Variants in GRM3 observed in about 807,000 individuals in gnomAD.
The protein encoded by GRM3 is metabotropic glutamate receptor 3.
In GRM3, 26 loss-of-function variants were observed where a neutral mutation model predicts 70.5. That is an observed-to-expected ratio of 0.37 (90% CI 0.27 to 0.51). GRM3 has a LOEUF of 0.51. Ranked by LOEUF, GRM3 falls within the 20% of genes least tolerant of loss-of-function variation. The pLI, the probability that GRM3 is intolerant of heterozygous loss-of-function variation, is 0.93. For synonymous variants in GRM3, 443 were observed against 434.9 expected (o/e 1.02, Z -0.23); for missense variants, 859 against 1,123.8 (o/e 0.76, Z 3.37).
intron 1 of GRM3, among the ~76,000 whole-genome samples, chr7:86,673,546 C>T (rs142750920): frequency 6.6e-6 from 1 of 152,238 alleles, no homozygotes; most frequent in Non-Finnish European, 1.5e-5. Context: ...ATGCCAACTG[C>T]TTCCAGATTG....
chr7:86,831,310 GCTTT>G (rs1046428804), intron 3 of GRM3, among the ~76,000 whole-genome samples: 1 of 152,068 alleles, frequency 6.6e-6, no homozygotes, highest in Non-Finnish European at 1.5e-5. Flanking sequence ...TTTTCAAAAT[GCTTT>G]TTTTTGTATG....
Position 86,786,577 on chromosome 7 carries a change from A to T in GRM3, c.785A>T (p.Glu262Val), listed in dbSNP as rs748521845. ...AAGTCCTACGACAGCGTGATCCGAG[A>T]ACTGTTGCAGAAGCCCAACGCGCGC... Reference protein sequence around the residue: ...IRKSYDSVIRELLQKPNARVV... With the variant: ...IRKSYDSVIRVLLQKPNARVV... The change falls in exon 3 of 6, where the codon GAA becomes GTA. Residue 262 changes from glutamate (E) to valine (V), a missense_variant. Glu to Val is a moderately radical substitution (Grantham distance 121, BLOSUM62 -2). Coordinates refer to ENST00000361669, the MANE Select transcript of GRM3 (RefSeq NM_000840.3). This position sits in a 1 kb window ranked among gnomAD's most constrained non-coding sequence, Gnocchi z 6.0. 6.2e-7 allele frequency: 1 copy of T among 1,613,914 alleles called. No individual in the cohort carries two copies. Among genetic ancestry groups the T allele is most frequent in the East Asian group, 2.2e-5 (1 of 44,880 alleles).
chr7:86,715,736 A>G (rs1023255247), intron 1 of GRM3, among the ~76,000 whole-genome samples: 2 of 152,154 alleles, frequency 1.3e-5, no homozygotes, highest in East Asian at 3.9e-4. Flanking sequence ...CATAAAAGCA[A>G]TTCTAATAAC....
At chr7:86,755,779 A>C (rs1796331927) in intron 1 of GRM3, among the ~76,000 whole-genome samples, 1 of 152,142 alleles carries the variant, frequency 6.6e-6, no homozygotes, top group Non-Finnish European at 1.5e-5. Flanking sequence ...GGGGGTTTCC[A>C]GCAAACAGGA....
chr7:86,798,420 T>C (rs759216772), intron 3 of GRM3, among the ~76,000 whole-genome samples: 2 of 152,146 alleles, frequency 1.3e-5, no homozygotes, highest in Non-Finnish European at 2.9e-5. Flanking sequence ...GGAGACCATT[T>C]TGGAGCTTCA....
intron 2 of GRM3, among the ~76,000 whole-genome samples, chr7:86,776,236 C>A (rs891286288): frequency 2.0e-5 from 3 of 152,084 alleles, no homozygotes; most frequent in Non-Finnish European, 4.4e-5. Flanking sequence ...GATTACTATC[C>A]TTTTCTTTTG....
intron 3 of GRM3, among the ~76,000 whole-genome samples, chr7:86,806,606 A>G (rs1239303045): frequency 2.0e-5 from 3 of 151,492 alleles, no homozygotes; most frequent in African/African-American, 7.3e-5. Context: ...GTTTGATTTT[A>G]TTCTTGTAAA....
intron 1 of GRM3, among the ~76,000 whole-genome samples, chr7:86,758,969 C>CTT (rs2116390240): frequency 6.6e-6 from 1 of 152,172 alleles, no homozygotes; most frequent in African/African-American, 2.4e-5. Flanking sequence ...ATAAGAGGGT[C>CTT]TTATCAATTA....
chr7:86,838,444 G>T (rs1454298995), intron 3 of GRM3, among the ~76,000 whole-genome samples: 1 of 151,816 alleles, frequency 6.6e-6, no homozygotes, highest in Non-Finnish European at 1.5e-5. Context: ...CATTTTATTG[G>T]CTGTACATAA....
At chr7:86,772,095 A>G (rs557629785) in intron 2 of GRM3, among the ~76,000 whole-genome samples, 1 of 152,128 alleles carries the variant, frequency 6.6e-6, no homozygotes, top group Non-Finnish European at 1.5e-5. Flanking sequence ...TCTTCCATGA[A>G]CTATAAGCCA....
intron 1 of GRM3, among the ~76,000 whole-genome samples, chr7:86,674,319 C>A (rs951008172): frequency 1.4e-5 from 2 of 146,470 alleles, no homozygotes; most frequent in Non-Finnish European, 3.1e-5. Flanking sequence ...TCTGAGTGTT[C>A]TTACATGGCA....
At chr7:86,766,679 T>G (rs1467710846) in intron 2 of GRM3, among the ~76,000 whole-genome samples, 2 of 152,148 alleles carry the variant, frequency 1.3e-5, no homozygotes, top group African/African-American at 4.8e-5. Context: ...GTGATATTTA[T>G]ATGTTACTTT....
intron 1 of GRM3, among the ~76,000 whole-genome samples, chr7:86,752,216 A>G (rs1241645174): frequency 2.6e-5 from 4 of 152,020 alleles, no homozygotes; most frequent in East Asian, 1.9e-4. Flanking sequence ...ACCTTACAAT[A>G]CTGTAGATAA....
At chr7:86,716,180 T>G (rs1795309836) in intron 1 of GRM3, among the ~76,000 whole-genome samples, 1 of 151,896 alleles carries the variant, frequency 6.6e-6, no homozygotes, top group African/African-American at 2.4e-5. Context: ...AAAGTCAAGG[T>G]GGGGCTCAGG....
intron 2 of GRM3, among the ~76,000 whole-genome samples, chr7:86,778,528 T>A (rs1796956715): frequency 6.6e-6 from 1 of 152,086 alleles, no homozygotes; most frequent in African/African-American, 2.4e-5. Flanking sequence ...ATATCCTGAG[T>A]AGAAATAGTA....
chr7:86,836,481 G>A (rs922961470), intron 3 of GRM3, among the ~76,000 whole-genome samples: 9 of 152,106 alleles, frequency 5.9e-5, no homozygotes, highest in Non-Finnish European at 8.8e-5. Flanking sequence ...ATTTCACTAA[G>A]TAAAAATATA....
intron 1 of GRM3, among the ~76,000 whole-genome samples, chr7:86,700,951 TG>T (rs1381270479): frequency 2.0e-5 from 3 of 151,932 alleles, no homozygotes; most frequent in African/African-American, 7.2e-5. Context: ...TGATGTTCAT[TG>T]TAATTTTAAT....
At chr7:86,815,987 A>T (rs953164812) in intron 3 of GRM3, among the ~76,000 whole-genome samples, 3 of 151,822 alleles carry the variant, frequency 2.0e-5, no homozygotes, top group African/African-American at 7.2e-5. Context: ...AGATTATTTG[A>T]CTCTATTATT....
chr7:86,732,262 A>C (rs1457817049), intron 1 of GRM3, among the ~76,000 whole-genome samples: 2 of 152,162 alleles, frequency 1.3e-5, no homozygotes, highest in Admixed American at 6.5e-5. Context: ...AAAACAAATA[A>C]ATTTTAACCC....
Sources: gnomAD v4.1 joint callset for allele counts (sites outside exome capture counted in the v4.1 genomes callset) on GRCh38, gnomAD v4.1.1 for gene constraint, Gnocchi (gnomAD v3.1) non-coding constraint, MANE v1.5 for transcripts, NCBI Gene and HGNC (gene_info 2026-07-23, HGNC 2026-07-21) for gene names.